Variants in TSPOAP1 observed in about 807,000 individuals in gnomAD.
TSPOAP1 encodes the protein TSPO associated protein 1.
A neutral mutation model predicts 197.0 loss-of-function variants in TSPOAP1; 87 were observed. The observed-to-expected ratio is 0.44, with a 90% CI of 0.37 to 0.53. The LOEUF (loss-of-function observed/expected upper bound fraction) is 0.53, where lower values mean the gene tolerates loss of function less well. Among genes scored for constraint, TSPOAP1 ranks in the 20% least tolerant of loss-of-function variants. The pLI is 0.00. For missense variants in TSPOAP1, 2,174 were observed against 2,411.3 expected, an observed-to-expected ratio of 0.90 and a Z score of 2.06; for synonymous variants, 913 against 998.9, an observed-to-expected ratio of 0.91 and a Z score of 1.62.
chr17:58,306,942 G>A lies in TSPOAP1; in HGVS notation c.5010C>T (p.Gly1670=), dbSNP rs1970916158. 2 of 1,612,828 alleles carry A rather than the reference G, an allele frequency of 1.2e-6. No homozygotes were observed. Residue 1670 remains glycine, a synonymous_variant, in exon 25 of 32, where the codon GGC becomes GGT. Coordinates refer to ENST00000343736, the MANE Select transcript of TSPOAP1 (RefSeq NM_004758.4). ...GGCCCCCACCTTCGCCCTGGTAGAA[G>A]CCATCGGCATCCTTGTCCCCAAACA... ...LKVFGDKDAD[G]FYQGEGGGRT...
chr17:58,323,523 T>C lies in TSPOAP1; in HGVS notation c.965A>G (p.Asp322Gly), dbSNP rs763002578. 1.9e-6 allele frequency: 3 copies of C among 1,614,142 alleles called. No individual in the cohort carries two copies. Among genetic ancestry groups the C allele is most frequent in the South Asian group, 1.1e-5 (1 of 91,084 alleles). The change falls in exon 6 of 32, where the codon GAC becomes GGC. Residue 322 changes from aspartate to glycine, a missense_variant. Physicochemically the swap from Asp to Gly is moderately conservative, Grantham distance 94. This residue lies in a region of TSPOAP1 where 1,933 missense variants were observed against 2,139.0 expected (regional missense o/e 0.90). Coordinates refer to ENST00000343736, the MANE Select transcript of TSPOAP1 (RefSeq NM_004758.4). ...CTCCCCTAGAATCACGGGTAGGTTGTCCGCATCCTCCTGGGGCGTGGCCTG... is the reference window on the plus strand; with the variant it reads ...CTCCCCTAGAATCACGGGTAGGTTGCCCGCATCCTCCTGGGGCGTGGCCTG... ...PGEATPQEDADNLPVILGEPE... is the reference protein window; with the variant it reads ...PGEATPQEDAGNLPVILGEPE...
chr17:58,315,880 C>T (rs542558065), intron 16 of TSPOAP1, 143 bp downstream of exon 16: 122 of 746,312 alleles, frequency 1.6e-4, no homozygotes, highest in Non-Finnish European at 2.4e-4. Context: ...GCTGAGCACG[C>T]TGGGCAGAGG....
In TSPOAP1 at chr17:58,306,317, T is replaced by C. The variant is rs375943233; in HGVS notation, c.5224+25A>G. On this transcript the variant is annotated intron_variant, in intron 26 of 31. Transcript: ENST00000343736. ...ACCGCACACACATCCTCCCAGCACC[T>C]GAGAGAGAATGGGGTCTTACCCACC... The C allele has an allele frequency of 1.7e-5, 27 of 1,547,452 alleles. No individual in the cohort carries two copies. In the African/African-American group the frequency reaches 3.7e-4, roughly 21 times the overall value.
Position 58,309,107 on chromosome 17 carries a change from C to T in TSPOAP1, c.4165G>A (p.Ala1389Thr), listed in dbSNP as rs199800218. The T allele has an allele frequency of 4.8e-5, 78 of 1,613,736 alleles. No individual in the cohort carries two copies. In the East Asian group the frequency reaches 1.4e-3, roughly 28 times the overall value. ...QCPLSPESSR[A>T]GDCLEDMPGL... ...GGCATGTCTTCCAGGCAGTCTCCAG[C>T]CCTGGAGGACTCAGGAGACAAGGGA... is the stretch of plus-strand genomic sequence containing the variant. Residue 1389 changes from alanine to threonine, a missense_variant, in exon 22 of 32, where the codon GCT becomes ACT. Around this residue, in one of 5 missense-constraint regions of TSPOAP1, gnomAD observed 1,933 missense variants for 2,139.0 expected, o/e 0.90. Coordinates refer to ENST00000343736, the MANE Select transcript of TSPOAP1 (RefSeq NM_004758.4). This position sits in a 1 kb window ranked among gnomAD's most constrained non-coding sequence, Gnocchi z 5.0.
In TSPOAP1 at chr17:58,304,455, C is replaced by T. The variant is rs962785108; in HGVS notation, c.5545-56G>A. 17 of 1,491,012 alleles carry T rather than the reference C, an allele frequency of 1.1e-5. No homozygotes were observed. The highest frequency in any genetic ancestry group is 9.0e-5 in the South Asian group (8 of 88,544). 92.4% of individuals were successfully genotyped at this position (1,491,012 alleles called of 1,614,324 possible). ...GTTACCGACAGACCCGCACCTTCTCCGCCCGGCCACCAGGTGGCCCTGCGC... is the reference window on the plus strand; with the variant it reads ...GTTACCGACAGACCCGCACCTTCTCTGCCCGGCCACCAGGTGGCCCTGCGC... On this transcript the variant is annotated intron_variant, in intron 30 of 31. Coordinates refer to ENST00000343736, the MANE Select transcript of TSPOAP1 (RefSeq NM_004758.4). The surrounding 1 kb of genome is among the most constrained non-coding windows in gnomAD (Gnocchi z 4.2).
At position 58,322,706 on chromosome 17, in the gene TSPOAP1, C is replaced by T. The variant is rs369318203; in HGVS notation, c.1265G>A (p.Arg422His). Residue 422 changes from arginine (R) to histidine (H), a missense_variant, in exon 9 of 32, where the codon CGC becomes CAC. Around this residue, in one of 5 missense-constraint regions of TSPOAP1, gnomAD observed 1,933 missense variants for 2,139.0 expected, o/e 0.90. Transcript: ENST00000343736. The surrounding 1 kb of genome is among the most constrained non-coding windows in gnomAD (Gnocchi z 5.0). ...GVTQERDSAL[R>H]KSQGLQSKLE... ...CTTGCTCTGCAGGCCCTGGCTCTTGCGAAGGGCTGAGTCCCTCTCCTGTGT... is the reference window on the plus strand; with the variant it reads ...CTTGCTCTGCAGGCCCTGGCTCTTGTGAAGGGCTGAGTCCCTCTCCTGTGT... 9.3e-6 allele frequency: 15 copies of T among 1,612,334 alleles called. No individual in the cohort carries two copies. In the Middle Eastern group the frequency reaches 6.6e-4, roughly 71 times the overall value.
At position 58,312,194 on chromosome 17, in the gene TSPOAP1, G is replaced by A. The variant is rs766215697; in HGVS notation, c.2627C>T (p.Ala876Val). The A allele has an allele frequency of 7.4e-6, 12 of 1,612,750 alleles. No homozygotes were observed. The highest frequency in any genetic ancestry group is 2.2e-5 in the South Asian group (2 of 91,052). The change falls in exon 17 of 32, where the codon GCG becomes GTG. Residue 876 changes from alanine (A) to valine (V), a missense_variant. Coordinates refer to ENST00000343736, the MANE Select transcript of TSPOAP1 (RefSeq NM_004758.4). ...GSSDPLRCCL[A>V]VGARAGVVPS... ...CACCACTCCGGCCCGGGCACCCACC[G>A]CCAAGCAACAGCGCAGTGGGTCAGA...
rs1971027386 is a variant in TSPOAP1 at position 58,309,938 on chromosome 17, G to A, written c.3891+29C>T. 6.3e-7 allele frequency: 1 copy of A among 1,581,074 alleles called. No homozygotes were observed. The highest frequency in any genetic ancestry group is 8.6e-7 in the Non-Finnish European group (1 of 1,162,096). On this transcript the variant is annotated intron_variant, in intron 21 of 31. Transcript: ENST00000343736. This position sits in a 1 kb window ranked among gnomAD's most constrained non-coding sequence, Gnocchi z 5.0. The stretch of plus-strand genomic sequence containing the variant: ...GGAGGCCCCGGAGTTTGAGGCCTGG[G>A]GCCCAACAGCCCATCCCTACCCCGT...
At chr17:58,305,716 C>A in intron 27 of TSPOAP1, 73 bp from the exon 28 acceptor site, 1 of 1,437,614 alleles carries the variant, frequency 7.0e-7, no homozygotes, top group South Asian at 1.2e-5. Context: ...CTGCCCCGGA[C>A]CCCTGCTGAC....
At chr17:58,320,451 A>G in intron 11 of TSPOAP1, 80 bp downstream of exon 11, 1 of 1,405,574 alleles carries the variant, frequency 7.1e-7, no homozygotes, top group Non-Finnish European at 9.5e-7. Context: ...CCACCGCCAT[A>G]GTCCATTTCA....
chr17:58,311,042 C>T lies in TSPOAP1; in HGVS notation c.3253G>A (p.Ala1085Thr), dbSNP rs1412621377. The T allele has an allele frequency of 3.2e-6, 5 of 1,583,470 alleles. No individual in the cohort carries two copies. The East Asian group carries it at 9.2e-5, about 29-fold the overall frequency. Residue 1085 changes from alanine (A) to threonine (T), a missense_variant, in exon 19 of 32, where the codon GCC becomes ACC. Physicochemically the swap from Ala to Thr is moderately conservative, Grantham distance 58. Transcript: ENST00000343736. ...TPALAPASLP[A>T]RVSCPSPHPS... Reference sequence around the variant, plus strand: ...TGCGGTGAGGGGCAGGAGACTCGGGCTGGCAGGCTGGCCGGAGCCAGGGCG... The same window carrying T: ...TGCGGTGAGGGGCAGGAGACTCGGGTTGGCAGGCTGGCCGGAGCCAGGGCG...
rs765803175 is a variant in TSPOAP1 at position 58,327,802 on chromosome 17, G to A, written c.119C>T (p.Pro40Leu). 6.2e-7 allele frequency: 1 copy of A among 1,614,124 alleles called. No individual in the cohort carries two copies. The highest frequency in any genetic ancestry group is 1.7e-5 in the Admixed American group (1 of 60,028). ...TGCCGGAGGAGTATCAGCGATGCTT[G>A]GGGCTGCACTGCTAGGTTCACCCCC... The part of the protein sequence containing the change: ...GRGGEPSSAA[P>L]SIADTPPAAL... The change falls in exon 1 of 32, where the codon CCA becomes CTA. Residue 40 changes from proline (P) to leucine (L), a missense_variant. This residue lies in a region of TSPOAP1 where 1,933 missense variants were observed against 2,139.0 expected (regional missense o/e 0.90). Transcript: ENST00000343736.
At chr17:58,320,214 C>T (rs1308808877) in intron 11 of TSPOAP1, 85 bp from the exon 12 acceptor site, 3 of 1,511,186 alleles carry the variant, frequency 2.0e-6, no homozygotes, top group Non-Finnish European at 2.7e-6. Flanking sequence ...GAGAAGGGGG[C>T]CTAAGTGGAT....
At position 58,324,983 on chromosome 17, in the gene TSPOAP1, T is replaced by G. The variant is rs991326826; in HGVS notation, c.770A>C (p.His257Pro). The G allele has an allele frequency of 6.5e-7, 1 of 1,536,432 alleles. No individual in the cohort carries two copies. Among genetic ancestry groups the G allele is most frequent in the Non-Finnish European group, 8.8e-7 (1 of 1,142,344 alleles). Residue 257 changes from histidine (H) to proline (P), a missense_variant, in exon 5 of 32, where the codon CAC (histidine) becomes CCC (proline). His to Pro is a moderately conservative substitution (Grantham distance 77). Coordinates refer to ENST00000343736, the MANE Select transcript of TSPOAP1 (RefSeq NM_004758.4). The surrounding 1 kb of genome is among the most constrained non-coding windows in gnomAD (Gnocchi z 5.8). Reference protein sequence around the residue: ...LVGKEGPQWLHVRDFDRLLRE... With the variant: ...LVGKEGPQWLPVRDFDRLLRE... ...CAGCAGCCGATCGAAGTCCCGCACG[T>G]GGAGCCACTGGGGACCCTCCTGAGG... is the stretch of plus-strand genomic sequence containing the variant.
Position 58,314,989 on chromosome 17 carries a change from T to C in TSPOAP1, c.2098+1034A>G, listed in dbSNP as rs1487832105. On this transcript the variant is annotated intron_variant, in intron 16 of 31. Coordinates refer to ENST00000343736, the MANE Select transcript of TSPOAP1 (RefSeq NM_004758.4). ...CCAGATCGCAGAGTTCAAATTCTAG[T>C]CATTTGTGGTTAGTTAATACTTATG... 3.3e-5 allele frequency among the ~76,000 whole-genome samples: 5 copies of C among 152,250 alleles called. No homozygotes were observed. In the South Asian group the frequency reaches 1.0e-3, roughly 32 times the overall value.
At position 58,301,622 on chromosome 17, in the gene TSPOAP1, A is replaced by G. The variant is rs1970725606; in HGVS notation, c.*858T>C. 6.5e-6 allele frequency: 1 copy of G among 152,680 alleles called. No individual in the cohort carries two copies. The highest frequency in any genetic ancestry group is 1.5e-5 in the Non-Finnish European group (1 of 68,078). 9.5% of individuals were successfully genotyped at this position (152,680 alleles called of 1,614,324 possible). A position where few individuals can be genotyped will look rare whatever the true frequency, so the allele number is the denominator to read the frequency against. ...TTGGGGGCGGGACCTTACAGGGGCCAGCAGGCCCCGGCAGGGAAGGATGGA... is the reference window on the plus strand; with the variant it reads ...TTGGGGGCGGGACCTTACAGGGGCCGGCAGGCCCCGGCAGGGAAGGATGGA... On this transcript the variant is annotated 3_prime_UTR_variant, in exon 32 of 32. Coordinates refer to ENST00000343736, the MANE Select transcript of TSPOAP1 (RefSeq NM_004758.4).
chr17:58,309,876 C>T lies in TSPOAP1; in HGVS notation c.3891+91G>A, dbSNP rs1971026094. ...CCACAGACCTAGAATGTTTCTGGCA[C>T]TCAGTGGTGGTCAGAGCACCTGCTG... is the stretch of plus-strand genomic sequence containing the variant. On this transcript the variant is annotated intron_variant, in intron 21 of 31. Coordinates refer to ENST00000343736, the MANE Select transcript of TSPOAP1 (RefSeq NM_004758.4). This position sits in a 1 kb window ranked among gnomAD's most constrained non-coding sequence, Gnocchi z 5.0. 3 of 1,474,604 alleles carry T rather than the reference C, an allele frequency of 2.0e-6. No homozygotes were observed. Among genetic ancestry groups the T allele is most frequent in the Non-Finnish European group, 2.7e-6 (3 of 1,094,262 alleles). The allele number at this position is 1,474,604 out of a possible 1,614,324, so 91.3% of individuals were successfully genotyped here.
In TSPOAP1 at chr17:58,306,396, A is replaced by T; in HGVS notation, c.5170T>A (p.Tyr1724Asn). ...GGCCCAGTTGTGTGGGCTGTGGAGTACACAAACGGACCATTCCCTGATCCA... is the reference window on the plus strand; with the variant it reads ...GGCCCAGTTGTGTGGGCTGTGGAGTTCACAAACGGACCATTCCCTGATCCA... Reference protein sequence around the residue: ...LEGSGNGPFVYSTAHTTGPPP... With the variant: ...LEGSGNGPFVNSTAHTTGPPP... Residue 1724 changes from tyrosine to asparagine, a missense_variant, in exon 26 of 32, where the codon TAC becomes AAC. This residue lies in a region of TSPOAP1 where 161 missense variants were observed against 159.1 expected (regional missense o/e 1.01). Coordinates refer to ENST00000343736, the MANE Select transcript of TSPOAP1 (RefSeq NM_004758.4). 6.4e-7 allele frequency: 1 copy of T among 1,555,174 alleles called. No individual in the cohort carries two copies.
In TSPOAP1 at chr17:58,326,339, C is replaced by A; in HGVS notation, c.524G>T (p.Arg175Leu). 3 of 1,614,108 alleles carry A rather than the reference C, an allele frequency of 1.9e-6. No homozygotes were observed. Among genetic ancestry groups the A allele is most frequent in the Non-Finnish European group, 2.5e-6 (3 of 1,180,028 alleles). Reference protein sequence around the residue: ...KNAELAVIAKRLEERARKLQE... With the variant: ...KNAELAVIAKLLEERARKLQE... ...CAGCTTTCGGGCCCTCTCCTCCAGG[C>A]GCTTGGCAATGACCGCCAGCTCGGC... Residue 175 changes from arginine to leucine, a missense_variant, in exon 3 of 32, where the codon CGC (arginine) becomes CTC (leucine). By Grantham distance (102) the Arg-to-Leu change is moderately radical. This residue lies in a region of TSPOAP1 where 1,933 missense variants were observed against 2,139.0 expected (regional missense o/e 0.90). Coordinates refer to ENST00000343736, the MANE Select transcript of TSPOAP1 (RefSeq NM_004758.4). This position sits in a 1 kb window ranked among gnomAD's most constrained non-coding sequence, Gnocchi z 4.7.
Sources: gnomAD v4.1 joint callset for allele counts (sites outside exome capture counted in the v4.1 genomes callset) on GRCh38, gnomAD v4.1.1 for gene constraint, gnomAD v4.1.1 regional missense constraint, Gnocchi (gnomAD v3.1) non-coding constraint, MANE v1.5 for transcripts, NCBI Gene and HGNC (gene_info 2026-07-23, HGNC 2026-07-21) for gene names.